CLTCL1: variants seen among roughly 807,000 people sequenced by gnomAD.
CLTCL1 encodes clathrin heavy chain like 1, also known as clathrin heavy chain 2.
In CLTCL1, 159 loss-of-function variants were observed where a neutral mutation model predicts 190.0. The observed-to-expected ratio is 0.84, with a 90% CI of 0.74 to 0.95. The LOEUF (loss-of-function observed/expected upper bound fraction) is 0.95. Among genes scored for constraint, CLTCL1 ranks in the 40% least tolerant of loss-of-function variants. The pLI is 0.00. For synonymous variants in CLTCL1, 752 were observed against 769.6 expected, an observed-to-expected ratio of 0.98 and a Z score of 0.38; for missense variants, 1,878 against 2,033.4, an observed-to-expected ratio of 0.92 and a Z score of 1.47.
chr22:19,181,149 C>T (rs1254451045), intron 30 of CLTCL1: 12 of 301,272 alleles, frequency 4.0e-5, no homozygotes, highest in Non-Finnish European at 6.3e-5. Context: ...CTGCCACTTA[C>T]CGACCTGCAG....
chr22:19,208,929 G>T lies in CLTCL1; in HGVS notation c.3435C>A (p.Ser1145Arg), dbSNP rs2085134195. The T allele has an allele frequency of 6.2e-7, 1 of 1,605,872 alleles. No individual in the cohort carries two copies. Residue 1145 changes from serine to arginine, a missense_variant, in exon 21 of 33, where the codon AGC (serine) becomes AGA (arginine). By Grantham distance (110) the Ser-to-Arg change is moderately radical. Transcript: ENST00000427926. ...GAGAGGGGACTCACTTACTGCTCCT[G>T]CTGGCTGACTGAACAACTTCCAGGT... is the stretch of plus-strand genomic sequence containing the variant. Reference protein sequence around the residue: ...SSYLEVVQSASRSNNWEDLVK... With the variant: ...SSYLEVVQSARRSNNWEDLVK...
chr22:19,205,546 T>C (rs1320345414), intron 22 of CLTCL1, among the ~76,000 whole-genome samples: 2 of 152,190 alleles, frequency 1.3e-5, no homozygotes, highest in East Asian at 3.8e-4. Context: ...TTGCCAGACA[T>C]TGGCTTTTGA....
chr22:19,210,163 G>A (rs1269890696), intron 20 of CLTCL1, among the ~76,000 whole-genome samples, 163 bp downstream of exon 20: 1 of 152,056 alleles, frequency 6.6e-6, no homozygotes, highest in African/African-American at 2.4e-5. Context: ...AGGGGCCAGC[G>A]GGCTGGGAAG....
intron 2 of CLTCL1, among the ~76,000 whole-genome samples, chr22:19,259,411 CAACA>C (rs1314710383): frequency 6.6e-6 from 1 of 150,762 alleles, no homozygotes; most frequent in Admixed American, 6.7e-5. Flanking sequence ...TGAACAACAA[CAACA>C]AAAAAAATCA....
chr22:19,242,140 G>A (rs1245378899), intron 4 of CLTCL1, among the ~76,000 whole-genome samples: 2 of 151,774 alleles, frequency 1.3e-5, no homozygotes, highest in Non-Finnish European at 2.9e-5. Flanking sequence ...ATGGGGTTTC[G>A]CTGTATTGTC....
At chr22:19,249,860 TAA>T in intron 3 of CLTCL1, 11 of 383,502 alleles carry the variant, frequency 2.9e-5, no homozygotes, top group East Asian at 7.8e-5. Context: ...TTTTGAAACT[TAA>T]AAAAAAAATC....
chr22:19,192,504 C>CA (rs2084546196), intron 26 of CLTCL1, among the ~76,000 whole-genome samples: 1 of 152,108 alleles, frequency 6.6e-6, no homozygotes, highest in Non-Finnish European at 1.5e-5. Context: ...GTGTGGGGGT[C>CA]CCGGGATGTG....
At chr22:19,270,009 T>C (rs1555979791) in intron 2 of CLTCL1, among the ~76,000 whole-genome samples, 1 of 151,014 alleles carries the variant, frequency 6.6e-6, no homozygotes, top group Non-Finnish European at 1.5e-5. Context: ...ACACAAAGAC[T>C]TGTCAGTGAG....
Position 19,229,942 on chromosome 22 carries a change from G to A in CLTCL1, c.1678C>T (p.Gln560Ter), listed in dbSNP as rs782311981. Reference protein sequence around the residue: ...VDIFMENSLIQQCTSFLLDAL... With the variant: ...VDIFMENSLI Reference sequence around the variant, plus strand: ...TCCAATAAGAAGGAAGTACACTGCTGAATTAAACTGTTTTCCATGAAAATG... The same window carrying A: ...TCCAATAAGAAGGAAGTACACTGCTAAATTAAACTGTTTTCCATGAAAATG... Residue 560 changes from glutamine to a stop codon, truncating the protein, a stop_gained, in exon 11 of 33, where the codon CAG becomes TAG. Transcript: ENST00000427926. LOFTEE classifies it high-confidence loss of function. 6.2e-7 allele frequency: 1 copy of A among 1,609,230 alleles called. No individual in the cohort carries two copies. The highest frequency in any genetic ancestry group is 8.5e-7 in the Non-Finnish European group (1 of 1,177,954).
At chr22:19,187,522 C>T (rs782133716) in intron 29 of CLTCL1, 36 bp downstream of exon 29, 8 of 1,591,216 alleles carry the variant, frequency 5.0e-6, no homozygotes, top group Non-Finnish European at 6.9e-6. Flanking sequence ...CACACCAAGG[C>T]AGGAAGGTGG....
At chr22:19,256,277 C>T (rs181879441) in intron 2 of CLTCL1, among the ~76,000 whole-genome samples, 62 of 152,084 alleles carry the variant, frequency 4.1e-4, no homozygotes, top group Non-Finnish European at 7.2e-4. Context: ...CCTGCCTCAG[C>T]CTCTCAAGTA....
At chr22:19,257,753 C>G in intron 2 of CLTCL1, 1 of 1,367,802 alleles carries the variant, frequency 7.3e-7, no homozygotes, top group Non-Finnish European at 9.8e-7. Flanking sequence ...TAGGGGGCAT[C>G]TAGAATGAGA....
In CLTCL1 at chr22:19,216,176, C is replaced by T. The variant is rs782076467; in HGVS notation, c.3000G>A (p.Leu1000=). The change falls in exon 19 of 33, where the codon CTG becomes CTA. Residue 1000 remains leucine (L), a synonymous_variant. Transcript: ENST00000427926. ...VTVKAFMTAD[L]PNELIELLEK... ...CCAGCAGTTCAATCAGTTCATTAGG[C>T]AGGTCGGCTGTCATAAAGGCTTTGA... 1 of 1,613,968 alleles carries T rather than the reference C, an allele frequency of 6.2e-7. No individual in the cohort carries two copies. The highest frequency in any genetic ancestry group is 1.7e-5 in the Admixed American group (1 of 60,022).
chr22:19,229,761 C>T (rs561976331), intron 11 of CLTCL1, 77 bp downstream of exon 11: 3 of 1,416,462 alleles, frequency 2.1e-6, no homozygotes, highest in Admixed American at 2.8e-5. Context: ...AGTCCAAAGC[C>T]ACTGTGCTCA....
chr22:19,196,383 C>T lies in CLTCL1; in HGVS notation c.4074G>A (p.Trp1358Ter), dbSNP rs782302023. ...VLRAAEQAHL[W>*]AELVFLYDKY... ...TGTCATAGAGGAACACCAGCTCAGCCCACAGGTGTGCCTGCTCTGCAGCCC... is the reference window on the plus strand; with the variant it reads ...TGTCATAGAGGAACACCAGCTCAGCTCACAGGTGTGCCTGCTCTGCAGCCC... Residue 1358 changes from tryptophan to a stop codon, truncating the protein, a stop_gained, in exon 26 of 33, where the codon TGG (tryptophan) becomes TGA (stop). Transcript: ENST00000427926. LOFTEE classifies it high-confidence loss of function. 24 of 1,613,922 alleles carry T rather than the reference C, an allele frequency of 1.5e-5. No homozygotes were observed. The highest frequency in any genetic ancestry group is 1.9e-5 in the Non-Finnish European group (22 of 1,179,906).
At chr22:19,227,411 C>A (rs1394186931) in intron 11 of CLTCL1, among the ~76,000 whole-genome samples, 1 of 149,922 alleles carries the variant, frequency 6.7e-6, no homozygotes, top group African/African-American at 2.5e-5. Context: ...GCCTCCCAAG[C>A]AGCTGGGATT....
In CLTCL1 at chr22:19,219,902, T is replaced by C. The variant is rs201266590; in HGVS notation, c.2902A>G (p.Arg968Gly). The change falls in exon 18 of 33, where the codon AGA (arginine) becomes GGA (glycine). Residue 968 changes from arginine (R) to glycine (G), a missense_variant. Physicochemically the swap from Arg to Gly is moderately radical, Grantham distance 125 (BLOSUM62 -2). Coordinates refer to ENST00000427926, the MANE Select transcript of CLTCL1 (RefSeq NM_007098.4). ...TGCCTCACCTGGTCAATTAGCTGTCTCCTGGATGGGTTGGTCTCCTCAAGG... is the reference window on the plus strand; with the variant it reads ...TGCCTCACCTGGTCAATTAGCTGTCCCCTGGATGGGTTGGTCTCCTCAAGG... ...HVLEETNPSR[R>G]QLIDQVVQTA... 1.2e-4 allele frequency: 187 copies of C among 1,614,076 alleles called. No individual in the cohort carries two copies. In the African/African-American group the frequency reaches 2.1e-3, roughly 18 times the overall value.
At chr22:19,212,624 GAGAA>G (rs782732957) in intron 19 of CLTCL1, among the ~76,000 whole-genome samples, 51 of 144,634 alleles carry the variant, frequency 3.5e-4, no homozygotes, top group Non-Finnish European at 4.6e-4. Context: ...AGGAAAGAAA[GAGAA>G]AGAAAGAAAG....
At chr22:19,210,547 C>T (rs916003764) in intron 19 of CLTCL1, 38 bp from the exon 20 acceptor site, 17 of 1,588,740 alleles carry the variant, frequency 1.1e-5, no homozygotes, top group African/African-American at 8.1e-5. Flanking sequence ...ATCCCAGGAA[C>T]GAAGGCTGCA....
Sources: allele counts gnomAD v4.1 joint callset (sites outside exome capture counted in the v4.1 genomes callset), GRCh38; gene constraint gnomAD v4.1.1; transcripts MANE v1.5; gene names NCBI Gene and HGNC (gene_info 2026-07-23, HGNC 2026-07-21).